The following SACS variants were observed in gnomAD, a reference collection of about 807,000 sequenced individuals.
The protein encoded by SACS is sacsin.
Under a neutral mutation model 348.0 loss-of-function variants are expected in SACS, and 197 were observed. The ratio of observed to expected loss-of-function variants is 0.57; its 90% CI spans 0.50 to 0.64. The LOEUF is 0.64. Among genes scored for constraint, SACS ranks in the 30% least tolerant of loss-of-function variants. The pLI, the probability that SACS is intolerant of heterozygous loss-of-function variation, is 0.00. For missense variants in SACS, 4,999 were observed against 5,360.8 expected (o/e 0.93, Z 2.11); for synonymous variants, 1,985 against 1,910.6 (o/e 1.04, Z -1.02).
At chr13:23,375,064 C>T in intron 3 of SACS, 55 bp downstream of exon 3, 7 of 1,399,924 alleles carry the variant, frequency 5.0e-6, no homozygotes, top group Non-Finnish European at 5.6e-6. Flanking sequence ...GCCCTCGACG[C>T]CCGCCGTTCC....
Position 23,339,182 on chromosome 13 carries a change from TG to T in SACS, c.4693del (p.His1565IlefsTer9), listed in dbSNP as rs750483641. 1.2e-6 allele frequency: 2 copies of T among 1,613,220 alleles called. No homozygotes were observed. Among genetic ancestry groups the T allele is most frequent in the Non-Finnish European group, 1.7e-6 (2 of 1,179,560 alleles). ...KFGLGFNSVY[H>X]ITDIPIIMSR... ...CATAATGATGGGAATGTCAGTGATA[TG>T]GTACACAGAATTAAATCCAAGACCA... On this transcript the variant is annotated frameshift_variant, in exon 10 of 10. Coordinates refer to ENST00000382292, the MANE Select transcript of SACS (RefSeq NM_014363.6). LOFTEE classifies it high-confidence loss of function.
rs1262795892 is a variant in SACS, at chr13:23,335,493, T to C, written c.8383A>G (p.Lys2795Glu). The C allele has an allele frequency of 1.2e-6, 2 of 1,613,764 alleles. No individual in the cohort carries two copies. The highest frequency in any genetic ancestry group is 1.7e-6 in the Non-Finnish European group (2 of 1,179,908). Residue 2795 changes from lysine (K) to glutamate (E), a missense_variant, in exon 10 of 10, where the codon AAA becomes GAA. Physicochemically the swap from Lys to Glu is moderately conservative, Grantham distance 56. Coordinates refer to ENST00000382292, the MANE Select transcript of SACS (RefSeq NM_014363.6). This position sits in a 1 kb window ranked among gnomAD's most constrained non-coding sequence, Gnocchi z 4.7. ...IDSVTKKRQL[K>E]DIPVQQITYT... ...GTTATTTGTTGAACTGGTATGTCTT[T>C]GAGCTGCCTCTTTTTAGTAACACTA...
intron 1 of SACS, among the ~76,000 whole-genome samples, chr13:23,431,466 G>A (rs1370032813): frequency 6.6e-6 from 1 of 152,194 alleles, no homozygotes; most frequent in African/African-American, 2.4e-5. Context: ...GACACATAAA[G>A]TAGAAATTAA....
chr13:23,376,313 G>A (rs1871800686), intron 2 of SACS, among the ~76,000 whole-genome samples: 1 of 152,060 alleles, frequency 6.6e-6, no homozygotes, highest in South Asian at 2.1e-4. Flanking sequence ...GAAAGTGTGT[G>A]GGGCTTAGAG....
At chr13:23,378,871 CTT>C in intron 2 of SACS, among the ~76,000 whole-genome samples, 1 of 152,240 alleles carries the variant, frequency 6.6e-6, no homozygotes, top group Admixed American at 6.5e-5. Context: ...TAGTAGGAAA[CTT>C]ATCATATAAA....
chr13:23,403,143 A>C (rs1056085976), intron 2 of SACS, among the ~76,000 whole-genome samples: 2 of 151,364 alleles, frequency 1.3e-5, no homozygotes, highest in Non-Finnish European at 2.9e-5. Context: ...ACACCACTGC[A>C]CTCTAGCCTG....
chr13:23,412,624 G>C (rs959030411), intron 1 of SACS, among the ~76,000 whole-genome samples: 6 of 152,046 alleles, frequency 3.9e-5, no homozygotes, highest in Non-Finnish European at 8.8e-5. Flanking sequence ...CTGTTGGCCA[G>C]GCTGGTCTTG....
rs745664974 is a variant in SACS, at chr13:23,334,584, T to C, written c.9292A>G (p.Ile3098Val). Residue 3098 changes from isoleucine (I) to valine (V), a missense_variant, in exon 10 of 10, where the codon ATC becomes GTC. By Grantham distance (29) the Ile-to-Val change is conservative. Coordinates refer to ENST00000382292, the MANE Select transcript of SACS (RefSeq NM_014363.6). The part of the protein sequence containing the change: ...IPVSYVTPAD[I>V]RSFLMTFSSP... ...GAAAATGTCATTAAAAAAGATCTGA[T>C]ATCAGCAGGGGTCACATAACTAACA... 3.1e-5 allele frequency: 50 copies of C among 1,613,410 alleles called. No homozygotes were observed. Among genetic ancestry groups the C allele is most frequent in the Non-Finnish European group, 4.1e-5 (48 of 1,179,770 alleles).
At chr13:23,404,474 T>C (rs1250622269) in intron 2 of SACS, among the ~76,000 whole-genome samples, 1 of 152,194 alleles carries the variant, frequency 6.6e-6, no homozygotes, top group Non-Finnish European at 1.5e-5. Flanking sequence ...TCATACTGAA[T>C]GGGCAAAAGC....
Position 23,333,783 on chromosome 13 carries a change from G to C in SACS, c.10093C>G (p.Leu3365Val), listed in dbSNP as rs1169280130. ...IESPTSILKALHYMVQTSTFR... is the reference protein window; with the variant it reads ...IESPTSILKAVHYMVQTSTFR... ...GTTGAAGTTTGGACCATATAATGTAGAGCCTTCAAGATGCTTGTGGGGCTC... is the reference window on the plus strand; with the variant it reads ...GTTGAAGTTTGGACCATATAATGTACAGCCTTCAAGATGCTTGTGGGGCTC... The change falls in exon 10 of 10, where the codon CTA becomes GTA. Residue 3365 changes from leucine to valine, a missense_variant. Physicochemically the swap from Leu to Val is conservative, Grantham distance 32 (BLOSUM62 1). Coordinates refer to ENST00000382292, the MANE Select transcript of SACS (RefSeq NM_014363.6). The C allele has an allele frequency of 1.2e-6, 2 of 1,613,638 alleles. No homozygotes were observed. The highest frequency in any genetic ancestry group is 4.5e-5 in the East Asian group (2 of 44,892).
At chr13:23,430,514 G>C (rs1874392566) in intron 1 of SACS, among the ~76,000 whole-genome samples, 1 of 151,790 alleles carries the variant, frequency 6.6e-6, no homozygotes, top group South Asian at 2.1e-4. Flanking sequence ...ATCCTATCAG[G>C]GTTTTTAAAT....
intron 2 of SACS, among the ~76,000 whole-genome samples, chr13:23,383,438 A>C (rs571849548): frequency 1.2e-4 from 19 of 152,252 alleles, no homozygotes; most frequent in African/African-American, 4.3e-4. Context: ...CAGCATCAAG[A>C]TATTTTTAGT....
intron 2 of SACS, among the ~76,000 whole-genome samples, chr13:23,409,302 G>A (rs191760624): frequency 2.0e-3 from 302 of 147,802 alleles, no homozygotes; most frequent in African/African-American, 7.0e-3. Context: ...TGATCCGCCC[G>A]CCTCGGCCTC....
Position 23,341,614 on chromosome 13 carries a change from G to A in SACS, c.2262C>T (p.Phe754=), listed in dbSNP as rs894022475. 1 of 1,613,708 alleles carries A rather than the reference G, an allele frequency of 6.2e-7. No individual in the cohort carries two copies. The highest frequency in any genetic ancestry group is 8.5e-7 in the Non-Finnish European group (1 of 1,179,942). The change falls in exon 10 of 10, where the codon TTC becomes TTT. Residue 754 remains phenylalanine (F), a synonymous_variant. Coordinates refer to ENST00000382292, the MANE Select transcript of SACS (RefSeq NM_014363.6). ...ARLIKEVMNT[F]WPGRELIVQW... ...GAACAATCAATTCTCTGCCAGGCCA[G>A]AATGTATTCATTACTTCCTTGATAA...
intron 2 of SACS, among the ~76,000 whole-genome samples, chr13:23,394,603 C>T (rs1297052736): frequency 6.6e-6 from 1 of 152,210 alleles, no homozygotes; most frequent in Non-Finnish European, 1.5e-5. Flanking sequence ...CCTATAATCC[C>T]AGCACTTTGG....
chr13:23,386,666 CTGTT>C (rs1872300208), intron 2 of SACS, among the ~76,000 whole-genome samples: 1 of 152,224 alleles, frequency 6.6e-6, no homozygotes, highest in Non-Finnish European at 1.5e-5. Flanking sequence ...CACAACTTGA[CTGTT>C]TGTCACAAGA....
chr13:23,355,159 A>G lies in SACS; in HGVS notation c.1453T>C (p.Trp485Arg), dbSNP rs1424801802. Reference protein sequence around the residue: ...RSIKWRELDQWRDPAALWNEF... With the variant: ...RSIKWRELDQRRDPAALWNEF... ...TTCCATAAGGCTGCCGGGTCTCTCC[A>G]CTGGTCCAGCTCTCTCCATTTTATG... is the stretch of plus-strand genomic sequence containing the variant. Residue 485 changes from tryptophan to arginine, a missense_variant, in exon 8 of 10, where the codon TGG (tryptophan) becomes CGG (arginine). Transcript: ENST00000382292. 6.2e-7 allele frequency: 1 copy of G among 1,614,154 alleles called. No individual in the cohort carries two copies.
At chr13:23,368,729 C>T (rs975461464) in intron 4 of SACS, among the ~76,000 whole-genome samples, 4 of 152,136 alleles carry the variant, frequency 2.6e-5, no homozygotes, top group Admixed American at 6.5e-5. Flanking sequence ...GACAGAGTCT[C>T]GCTCTGTCGC....
chr13:23,335,801 A>G lies in SACS; in HGVS notation c.8075T>C (p.Leu2692Pro), dbSNP rs1391200041. 3 of 1,613,914 alleles carry G rather than the reference A, an allele frequency of 1.9e-6. No individual in the cohort carries two copies. Among genetic ancestry groups the G allele is most frequent in the Non-Finnish European group, 1.7e-6 (2 of 1,179,930 alleles). Residue 2692 changes from leucine to proline, a missense_variant, in exon 10 of 10, where the codon CTG (leucine) becomes CCG (proline). Around this residue, in one of 6 missense-constraint regions of SACS, gnomAD observed 3,156 missense variants for 3,380.1 expected, o/e 0.93. Coordinates refer to ENST00000382292, the MANE Select transcript of SACS (RefSeq NM_014363.6). The surrounding 1 kb of genome is among the most constrained non-coding windows in gnomAD (Gnocchi z 4.7). ...AAATCTGAACATTGTGCAATTATCC[A>G]GTTTAAAATGGGTTCCCAGATAAAG... Reference protein sequence around the residue: ...LDLYLGTHFKLDNCTMFRFPL... With the variant: ...LDLYLGTHFKPDNCTMFRFPL...
Sources: gnomAD v4.1 joint callset for allele counts (sites outside exome capture counted in the v4.1 genomes callset) on GRCh38, gnomAD v4.1.1 for gene constraint, gnomAD v4.1.1 regional missense constraint, Gnocchi (gnomAD v3.1) non-coding constraint, MANE v1.5 for transcripts, NCBI Gene and HGNC (gene_info 2026-07-23, HGNC 2026-07-21) for gene names.